Variants in DENND10 observed in about 807,000 individuals in gnomAD.
The protein encoded by DENND10 is DENN domain containing 10.
Under a neutral mutation model 43.6 loss-of-function variants are expected in DENND10, and 24 were observed. The observed-to-expected ratio is 0.55, with a 90% CI of 0.40 to 0.77. The LOEUF (loss-of-function observed/expected upper bound fraction) is 0.77, where lower values mean the gene tolerates loss of function less well. Among genes scored for constraint, DENND10 ranks in the 30% least tolerant of loss-of-function variants. DENND10 has a pLI of 0.00. For synonymous variants in DENND10, 125 were observed against 157.6 expected, an observed-to-expected ratio of 0.79 and a Z score of 1.55; for missense variants, 303 against 429.9, an observed-to-expected ratio of 0.70 and a Z score of 2.61.
intron 3 of DENND10, among the ~76,000 whole-genome samples, chr10:119,112,643 A>C (rs1845033527): frequency 6.6e-6 from 1 of 150,826 alleles, no homozygotes. Context: ...GCAGGTGCGC[A>C]CTTCCATGCC....
At chr10:119,112,336 C>G (rs761593906) in intron 3 of DENND10, among the ~76,000 whole-genome samples, 4 of 152,078 alleles carry the variant, frequency 2.6e-5, no homozygotes, top group Non-Finnish European at 5.9e-5. Flanking sequence ...TGCCGAAGCA[C>G]AATAACACAT....
At chr10:119,120,803 T>C (rs10749290) in intron 5 of DENND10, among the ~76,000 whole-genome samples, 151,499 of 152,338 alleles carry the variant, frequency 0.99, 75,341 homozygotes, top group East Asian at 1. Flanking sequence ...GTCAATGAAA[T>C]TTTATTTTCA....
chr10:119,136,558 T>G lies in DENND10; in HGVS notation c.985T>G (p.Leu329Val). The change falls in exon 9 of 9, where the codon TTG (leucine) becomes GTG (valine). Residue 329 changes from leucine to valine, a missense_variant. Physicochemically the swap from Leu to Val is conservative, Grantham distance 32 (BLOSUM62 1). Coordinates refer to ENST00000361432, the MANE Select transcript of DENND10 (RefSeq NM_207009.4). The part of the protein sequence containing the change: ...SADGEKRVLN[L>V]EALKQKRFPP... ...TGATGGAGAAAAGAGAGTCCTTAAT[T>G]TGGAGGCGCTAAAGCAAAAACGATT... 6.3e-7 allele frequency: 1 copy of G among 1,588,356 alleles called. No homozygotes were observed. The highest frequency in any genetic ancestry group is 8.5e-7 in the Non-Finnish European group (1 of 1,171,762).
intron 6 of DENND10, among the ~76,000 whole-genome samples, chr10:119,125,674 A>AT (rs1443516952): frequency 6.6e-6 from 1 of 151,028 alleles, no homozygotes; most frequent in East Asian, 2.0e-4. Context: ...TGCCCAGCTA[A>AT]TTTTTTTGTA....
chr10:119,114,368 C>CT (rs1160744832), intron 3 of DENND10: 1 of 152,294 alleles, frequency 6.6e-6, no homozygotes, highest in Non-Finnish European at 1.5e-5. Flanking sequence ...TTGCCTCCCT[C>CT]CATTTCTGGT....
At chr10:119,117,239 G>A (rs1845332810) in intron 3 of DENND10, among the ~76,000 whole-genome samples, 1 of 151,920 alleles carries the variant, frequency 6.6e-6, no homozygotes, top group South Asian at 2.1e-4. Context: ...GGGTGTGGTG[G>A]TGCACACCTG....
intron 6 of DENND10, 109 bp downstream of exon 6, chr10:119,123,678 T>A: frequency 1.2e-6 from 1 of 816,658 alleles, no homozygotes; most frequent in Non-Finnish European, 2.0e-6. Context: ...GGCACGATCT[T>A]AGCTCACCGC....
At chr10:119,108,205 C>A in intron 2 of DENND10, 41 bp downstream of exon 2, 2 of 1,462,118 alleles carry the variant, frequency 1.4e-6, no homozygotes, top group Non-Finnish European at 1.9e-6. Context: ...CCAAAATAGG[C>A]TGGGCGCGGT....
chr10:119,126,902 C>CT lies in DENND10; in HGVS notation c.695-2599dup, dbSNP rs1312302019. On this transcript the variant is annotated intron_variant, in intron 6 of 8. Transcript: ENST00000361432. ...AAATTTTTCTTTCTCTTTTTCTTTT[C>CT]TTTTTTTTTTTTTTGAGACAGGGTC... 4.5e-3 allele frequency among the ~76,000 whole-genome samples: 621 copies of CT among 137,450 alleles called. 3 individuals are homozygous for CT. Among genetic ancestry groups the CT allele is most frequent in the African/African-American group, 7.4e-3 (278 of 37,366 alleles). The allele number at this position is 137,450 out of a possible 152,430, so 90.2% of individuals were successfully genotyped here.
rs184085837 is a variant in DENND10 at position 119,108,804 on chromosome 10, A to C, written c.252+640A>C. 3.6e-3 allele frequency among the ~76,000 whole-genome samples: 542 copies of C among 151,328 alleles called. 4 individuals are homozygous for C. Among genetic ancestry groups the C allele is most frequent in the African/African-American group, 0.013 (527 of 41,360 alleles). The stretch of plus-strand genomic sequence containing the variant: ...CGAGTAGCTGGGATTGCAGGCACCC[A>C]CCATCACGCCTGGCTAATTTTTTGT... On this transcript the variant is annotated intron_variant, in intron 2 of 8. Coordinates refer to ENST00000361432, the MANE Select transcript of DENND10 (RefSeq NM_207009.4).
intron 6 of DENND10, among the ~76,000 whole-genome samples, chr10:119,124,633 C>G (rs1256318612): frequency 6.6e-6 from 1 of 152,102 alleles, no homozygotes; most frequent in African/African-American, 2.4e-5. Flanking sequence ...ATCTGCCCAT[C>G]TTGGCCTCCC....
rs764875150 is a variant in DENND10, at chr10:119,107,975, C to A, written c.63C>A (p.Asp21Glu). The A allele has an allele frequency of 6.2e-7, 1 of 1,613,766 alleles. No homozygotes were observed. The highest frequency in any genetic ancestry group is 8.5e-7 in the Non-Finnish European group (1 of 1,179,796). Residue 21 changes from aspartate to glutamate, a missense_variant, in exon 2 of 9, where the codon GAC becomes GAA. Asp to Glu is a conservative substitution (Grantham distance 45, BLOSUM62 2). Coordinates refer to ENST00000361432, the MANE Select transcript of DENND10 (RefSeq NM_207009.4). ...ACCATCTTTCCACCGTAGAAAAGGA[C>A]ACAAATGGAGAAGTTCTGTGGGTGT... ...LMLGVGLIEK[D>E]TNGEVLWVWC... is the part of the protein sequence containing the mutation.
In DENND10 at chr10:119,111,802, TA is replaced by T. The variant is rs775616721; in HGVS notation, c.253-44del. The T allele has an allele frequency of 1.3e-4, 176 of 1,390,846 alleles. 2 individuals are homozygous for T. The Admixed American group carries it at 2.9e-3, about 23-fold the overall frequency. 86.2% of individuals were successfully genotyped at this position (1,390,846 alleles called of 1,614,324 possible). ...TAGAATATAGTAATAAAAATTCTGC[TA>T]AAGTGTATTTAAAAAGTGTATTTTT... On this transcript the variant is annotated intron_variant, in intron 2 of 8. Transcript: ENST00000361432.
At chr10:119,127,303 T>C (rs190451748) in intron 6 of DENND10, among the ~76,000 whole-genome samples, 1 of 152,304 alleles carries the variant, frequency 6.6e-6, no homozygotes, top group East Asian at 1.9e-4. Context: ...TGAACTTTTT[T>C]ACCCTATGGA....
chr10:119,132,869 T>G lies in DENND10; in HGVS notation c.897+260T>G. 1 of 446,300 alleles carries G rather than the reference T, an allele frequency of 2.2e-6. No homozygotes were observed. Among genetic ancestry groups the G allele is most frequent in the East Asian group, 3.8e-5 (1 of 26,480 alleles). 27.6% of individuals were successfully genotyped at this position (446,300 alleles called of 1,614,324 possible). On this transcript the variant is annotated intron_variant, in intron 8 of 8. Coordinates refer to ENST00000361432, the MANE Select transcript of DENND10 (RefSeq NM_207009.4). The surrounding 1 kb of genome is among the most constrained non-coding windows in gnomAD (Gnocchi z 4.2). Reference sequence around the variant, plus strand: ...GACCGCTGGCAATGAGAAATGTAACTACCAAGTGGTCTGGAAGGCTTTTCT... The same window carrying G: ...GACCGCTGGCAATGAGAAATGTAACGACCAAGTGGTCTGGAAGGCTTTTCT...
Position 119,137,001 on chromosome 10 carries a change from A to T in DENND10, c.*354A>T, listed in dbSNP as rs1846392428. The T allele has an allele frequency of 5.2e-6, 1 of 192,892 alleles. No individual in the cohort carries two copies. Among genetic ancestry groups the T allele is most frequent in the South Asian group, 1.5e-4 (1 of 6,804 alleles). 11.9% of individuals were successfully genotyped at this position (192,892 alleles called of 1,614,324 possible). ...CCAGTTTGTCTCGCTGTGTAGGCAT[A>T]AGCTAATGGTTTATTTTCAGAAAGC... On this transcript the variant is annotated 3_prime_UTR_variant, in exon 9 of 9. Transcript: ENST00000361432.
intron 1 of DENND10, among the ~76,000 whole-genome samples, chr10:119,106,214 C>T (rs1844689399): frequency 6.6e-6 from 1 of 152,086 alleles, no homozygotes; most frequent in African/African-American, 2.4e-5. Flanking sequence ...CAGAGTTAGA[C>T]CCTGTCTCAG....
intron 7 of DENND10, among the ~76,000 whole-genome samples, chr10:119,131,363 C>T (rs2133530616): frequency 6.6e-6 from 1 of 152,302 alleles, no homozygotes; most frequent in East Asian, 1.9e-4. Flanking sequence ...GAGGCTGAGG[C>T]AGGAGAATCA....
chr10:119,119,522 C>T (rs1845459729), intron 4 of DENND10, among the ~76,000 whole-genome samples: 1 of 152,140 alleles, frequency 6.6e-6, no homozygotes, highest in Non-Finnish European at 1.5e-5. Context: ...GATGACCTGC[C>T]TGCTTAGGCC....
Sources: allele counts gnomAD v4.1 joint callset (sites outside exome capture counted in the v4.1 genomes callset), GRCh38; gene constraint gnomAD v4.1.1; non-coding constraint Gnocchi (gnomAD v3.1); transcripts MANE v1.5; gene names NCBI Gene and HGNC (gene_info 2026-07-23, HGNC 2026-07-21).